The following CLSTN2 variants were observed in gnomAD, a reference collection of about 807,000 sequenced individuals.
CLSTN2 encodes the protein calsyntenin-2.
CLSTN2 carries 48 observed loss-of-function variants against 101.2 expected under a neutral mutation model. The ratio of observed to expected loss-of-function variants is 0.47; its 90% CI spans 0.38 to 0.60. The LOEUF (loss-of-function observed/expected upper bound fraction) is 0.60, where lower values mean the gene tolerates loss of function less well. Ranked by LOEUF, CLSTN2 falls within the 20% of genes least tolerant of loss-of-function variation. CLSTN2 has a pLI of 0.00. For synonymous variants in CLSTN2, 481 were observed against 463.6 expected (o/e 1.04, Z -0.48); for missense variants, 1,160 against 1,238.2 (o/e 0.94, Z 0.95).
chr3:140,423,090 T>C (rs1053053713), intron 5 of CLSTN2, among the ~76,000 whole-genome samples: 5 of 152,214 alleles, frequency 3.3e-5, no homozygotes, highest in Admixed American at 1.3e-4. Flanking sequence ...GTCAGAAGAA[T>C]AGTCCCAATG....
chr3:140,315,838 G>C (rs1252793838), intron 2 of CLSTN2, among the ~76,000 whole-genome samples: 1 of 152,150 alleles, frequency 6.6e-6, no homozygotes, highest in Non-Finnish European at 1.5e-5. Context: ...GGAGCTATCG[G>C]CTTAGCATGG....
intron 2 of CLSTN2, among the ~76,000 whole-genome samples, chr3:140,197,269 G>A (rs1333763686): frequency 1.3e-5 from 2 of 152,112 alleles, no homozygotes; most frequent in Non-Finnish European, 2.9e-5. Flanking sequence ...CAACAGCCTG[G>A]ACCCTGATGT....
chr3:140,287,891 C>T (rs2086910379), intron 2 of CLSTN2, among the ~76,000 whole-genome samples: 1 of 152,080 alleles, frequency 6.6e-6, no homozygotes, highest in Non-Finnish European at 1.5e-5. Flanking sequence ...GAAAGCATGC[C>T]CCAGTGCTCA....
chr3:140,019,873 G>A (rs2007272483), intron 1 of CLSTN2, among the ~76,000 whole-genome samples: 2 of 152,156 alleles, frequency 1.3e-5, no homozygotes, highest in Non-Finnish European at 1.5e-5. Flanking sequence ...CTCACTTTCT[G>A]GCTTGGGTAC....
In CLSTN2 at chr3:140,563,106, C is replaced by T. The variant is rs765742296; in HGVS notation, c.2385C>T (p.Val795=). The T allele has an allele frequency of 3.1e-6, 5 of 1,614,108 alleles. No homozygotes were observed. Among genetic ancestry groups the T allele is most frequent in the Non-Finnish European group, 4.2e-6 (5 of 1,179,978 alleles). The change falls in exon 15 of 17, where the codon GTC becomes GTT. Residue 795 remains valine (V), a synonymous_variant. Coordinates refer to ENST00000458420, the MANE Select transcript of CLSTN2 (RefSeq NM_022131.3). ...LEVSILHEDQ[V]SDKEHVNHLI... Reference sequence around the variant, plus strand: ...TCAGCATCCTTCATGAAGACCAAGTCTCAGATAAGGAGCATGTCAATCATC... The same window carrying T: ...TCAGCATCCTTCATGAAGACCAAGTTTCAGATAAGGAGCATGTCAATCATC...
In CLSTN2 at chr3:140,136,629, A is replaced by G. The variant is rs112153424; in HGVS notation, c.110-39322A>G. Among the ~76,000 whole-genome samples, 525 of 152,296 alleles carry G rather than the reference A, an allele frequency of 3.4e-3. 1 individual carries two copies. The highest frequency in any genetic ancestry group is 0.012 in the African/African-American group (501 of 41,556). Reference sequence around the variant, plus strand: ...CTGGAATCTTGATGCTGTTTTTATTAACCATCCATGTGACTTCAGAAGAAT... The same window carrying G: ...CTGGAATCTTGATGCTGTTTTTATTGACCATCCATGTGACTTCAGAAGAAT... On this transcript the variant is annotated intron_variant, in intron 1 of 16. Transcript: ENST00000458420.
intron 1 of CLSTN2, among the ~76,000 whole-genome samples, chr3:139,959,509 T>C (rs1935466887): frequency 6.6e-6 from 1 of 152,302 alleles, no homozygotes; most frequent in Non-Finnish European, 1.5e-5. Context: ...GGGTGACCAG[T>C]GATACATTTG....
chr3:140,353,455 T>A (rs1205105459), intron 2 of CLSTN2, among the ~76,000 whole-genome samples: 2 of 152,126 alleles, frequency 1.3e-5, no homozygotes, highest in Non-Finnish European at 2.9e-5. Flanking sequence ...TTTGACATTT[T>A]TCTGCCTGTT....
At chr3:140,037,618 G>T (rs67276954) in intron 1 of CLSTN2, among the ~76,000 whole-genome samples, 3 of 151,298 alleles carry the variant, frequency 2.0e-5, no homozygotes, top group Non-Finnish European at 4.4e-5. Flanking sequence ...CACGTGCCAT[G>T]GTGGTTTGCT....
intron 1 of CLSTN2, among the ~76,000 whole-genome samples, chr3:140,117,746 G>A (rs905964951): frequency 1.3e-5 from 2 of 152,160 alleles, no homozygotes; most frequent in Admixed American, 6.5e-5. Flanking sequence ...GGACAGCAGG[G>A]GCAGATGCAG....
chr3:140,184,688 A>G (rs1559801024), intron 2 of CLSTN2, among the ~76,000 whole-genome samples: 1 of 152,130 alleles, frequency 6.6e-6, no homozygotes, highest in African/African-American at 2.4e-5. Context: ...AGGGTCATCA[A>G]TGCAATCATT....
intron 1 of CLSTN2, among the ~76,000 whole-genome samples, chr3:139,966,550 G>C (rs1337653040): frequency 1.3e-5 from 2 of 152,078 alleles, no homozygotes; most frequent in Non-Finnish European, 2.9e-5. Context: ...CTCAGCTCAG[G>C]CCTCACCCCT....
chr3:139,979,134 C>T (rs1208899396), intron 1 of CLSTN2, among the ~76,000 whole-genome samples: 3 of 152,156 alleles, frequency 2.0e-5, no homozygotes, highest in African/African-American at 7.2e-5. Context: ...GTTTCTGAGA[C>T]TTACACACTG....
chr3:140,290,796 G>A (rs771678753), intron 2 of CLSTN2, among the ~76,000 whole-genome samples: 1 of 152,086 alleles, frequency 6.6e-6, no homozygotes, highest in Non-Finnish European at 1.5e-5. Flanking sequence ...ATGACCCAAC[G>A]CCATGCTTTG....
chr3:140,481,483 AG>A (rs760936439), intron 8 of CLSTN2, among the ~76,000 whole-genome samples: 13 of 152,212 alleles, frequency 8.5e-5, no homozygotes, highest in Non-Finnish European at 1.8e-4. Context: ...AATTCTGTGA[AG>A]AAAGTCATTG....
At chr3:140,299,543 C>A (rs895039169) in intron 2 of CLSTN2, among the ~76,000 whole-genome samples, 1 of 152,158 alleles carries the variant, frequency 6.6e-6, no homozygotes, top group African/African-American at 2.4e-5. Context: ...GTAGCAGAGC[C>A]TTCAGCCAGG....
At chr3:139,978,777 G>T (rs746398206) in intron 1 of CLSTN2, among the ~76,000 whole-genome samples, 1 of 151,646 alleles carries the variant, frequency 6.6e-6, no homozygotes, top group African/African-American at 2.4e-5. Flanking sequence ...AATGCCAAGA[G>T]GTGAAAAATT....
chr3:140,368,531 C>G (rs184301164), intron 2 of CLSTN2, among the ~76,000 whole-genome samples: 58 of 152,286 alleles, frequency 3.8e-4, no homozygotes, highest in African/African-American at 1.3e-3. Flanking sequence ...CACTCCAGGC[C>G]AAGGGGTGGT....
chr3:140,420,596 T>C (rs1375449213), intron 4 of CLSTN2, among the ~76,000 whole-genome samples: 1 of 152,238 alleles, frequency 6.6e-6, no homozygotes, highest in East Asian at 1.9e-4. Context: ...TCTATGTCGC[T>C]TTCAGAAGGG....
Sources: gnomAD v4.1 joint callset for allele counts (sites outside exome capture counted in the v4.1 genomes callset) on GRCh38, gnomAD v4.1.1 for gene constraint, MANE v1.5 for transcripts, NCBI Gene and HGNC (gene_info 2026-07-23, HGNC 2026-07-21) for gene names.